PCMTD1: variants seen among roughly 807,000 people sequenced by gnomAD.
The protein encoded by PCMTD1 is protein-L-isoaspartate O-methyltransferase domain-containing protein 1.
A neutral mutation model predicts 37.6 loss-of-function variants in PCMTD1; 12 were observed. The observed-to-expected ratio is 0.32, with a 90% CI of 0.20 to 0.52. PCMTD1 has a LOEUF of 0.52. PCMTD1 is among the 20% of genes least tolerant of loss of function. The pLI is 0.97. For synonymous variants in PCMTD1, 117 were observed against 135.8 expected (o/e 0.86, Z 0.96); for missense variants, 235 against 421.3 (o/e 0.56, Z 3.87).
intron 1 of PCMTD1, among the ~76,000 whole-genome samples, chr8:51,874,746 T>C (rs1014350628): frequency 1.3e-5 from 2 of 152,182 alleles, no homozygotes; most frequent in Non-Finnish European, 2.9e-5. Context: ...TTACCTAGCA[T>C]TTGGATATTT....
intron 2 of PCMTD1, among the ~76,000 whole-genome samples, chr8:51,856,436 G>A (rs1305887366): frequency 1.3e-5 from 2 of 152,176 alleles, no homozygotes. Flanking sequence ...CAGCCACTCT[G>A]GAAAACACTT....
intron 5 of PCMTD1, among the ~76,000 whole-genome samples, 177 bp from the exon 6 acceptor site, chr8:51,820,895 C>T (rs1026592118): frequency 1.2e-4 from 18 of 151,930 alleles, no homozygotes; most frequent in Admixed American, 6.6e-5. Context: ...TGCCAAGGAC[C>T]GATGGATGGC....
chr8:51,850,670 T>C (rs1216473151), intron 2 of PCMTD1, among the ~76,000 whole-genome samples: 1 of 152,192 alleles, frequency 6.6e-6, no homozygotes, highest in African/African-American at 2.4e-5. Context: ...GTATTTTGGC[T>C]AAAACTAAAT....
At chr8:51,879,967 G>C (rs930297750) in intron 1 of PCMTD1, among the ~76,000 whole-genome samples, 1 of 151,772 alleles carries the variant, frequency 6.6e-6, no homozygotes, top group East Asian at 1.9e-4. Flanking sequence ...AGGATTGCTT[G>C]AGGCCAGGAG....
At chr8:51,824,019 A>G (rs1316060158) in intron 5 of PCMTD1, among the ~76,000 whole-genome samples, 1 of 152,244 alleles carries the variant, frequency 6.6e-6, no homozygotes, top group Non-Finnish European at 1.5e-5. Flanking sequence ...AAAAATCTCA[A>G]TAAACTAGGT....
At chr8:51,854,116 T>C in intron 2 of PCMTD1, among the ~76,000 whole-genome samples, 1 of 152,204 alleles carries the variant, frequency 6.6e-6, no homozygotes, top group East Asian at 1.9e-4. Context: ...CCTAAGCCAC[T>C]TCACATCACT....
intron 1 of PCMTD1, among the ~76,000 whole-genome samples, chr8:51,877,396 A>G (rs1207329005): frequency 6.6e-6 from 1 of 152,226 alleles, no homozygotes; most frequent in Non-Finnish European, 1.5e-5. Context: ...GAGAAAGGTA[A>G]AAACGCTTTT....
At chr8:51,878,172 T>C (rs1345811299) in intron 1 of PCMTD1, among the ~76,000 whole-genome samples, 2 of 151,906 alleles carry the variant, frequency 1.3e-5, no homozygotes, top group Non-Finnish European at 2.9e-5. Context: ...ATGGGTCACA[T>C]GCAGCCCAGG....
chr8:51,850,131 GCTT>G (rs1235872435), intron 2 of PCMTD1: 1 of 700,974 alleles, frequency 1.4e-6, no homozygotes, highest in African/African-American at 1.7e-5. Flanking sequence ...AGATGTCTTG[GCTT>G]CCAATCCCAA....
In PCMTD1 at chr8:51,820,320, T is replaced by C; in HGVS notation, c.*31A>G. The stretch of plus-strand genomic sequence containing the variant: ...GCTACATTTTCAAGACTAAAGGAAT[T>C]ATCAGTAGGCATTTTTCTTCTTGAT... On this transcript the variant is annotated 3_prime_UTR_variant, in exon 6 of 6. Coordinates refer to ENST00000522514, the MANE Select transcript of PCMTD1 (RefSeq NM_052937.4). The C allele has an allele frequency of 6.6e-7, 1 of 1,509,456 alleles. No homozygotes were observed. Among genetic ancestry groups the C allele is most frequent in the Non-Finnish European group, 8.8e-7 (1 of 1,131,872 alleles). The allele number at this position is 1,509,456 out of a possible 1,614,324, so 93.5% of individuals were successfully genotyped here.
chr8:51,827,047 T>G, intron 5 of PCMTD1: 1 of 975,208 alleles, frequency 1.0e-6, no homozygotes, highest in Non-Finnish European at 1.2e-6. Context: ...ATATTTTAAT[T>G]TCCTGCAATT....
chr8:51,886,936 C>T (rs746730828), intron 1 of PCMTD1, among the ~76,000 whole-genome samples: 1 of 150,620 alleles, frequency 6.6e-6, no homozygotes, highest in African/African-American at 2.4e-5. Flanking sequence ...TCTGTTCCCT[C>T]GCATCAGTGT....
At chr8:51,859,224 G>A (rs2038436328) in intron 2 of PCMTD1, among the ~76,000 whole-genome samples, 1 of 151,870 alleles carries the variant, frequency 6.6e-6, no homozygotes, top group Admixed American at 6.6e-5. Context: ...AATGTTCAAG[G>A]ACAGCAATTC....
intron 2 of PCMTD1, among the ~76,000 whole-genome samples, chr8:51,855,591 G>GA (rs1490215472): frequency 6.6e-6 from 1 of 151,050 alleles, no homozygotes; most frequent in African/African-American, 2.4e-5. Flanking sequence ...ACAGTATAGA[G>GA]AAAAAACTCA....
At position 51,826,976 on chromosome 8, in the gene PCMTD1, T is replaced by G. The variant is rs527421111; in HGVS notation, c.706+4468A>C. The G allele has an allele frequency of 4.6e-4, 426 of 929,152 alleles. 5 individuals are homozygous for G. In the African/African-American group the frequency reaches 7.3e-3, roughly 16 times the overall value. 57.6% of individuals were successfully genotyped at this position (929,152 alleles called of 1,614,324 possible). ...TATGAGCAACTTGATTACTACAAGA[T>G]ACATTTGGCAAATAATTTATATATA... On this transcript the variant is annotated intron_variant, in intron 5 of 5. Transcript: ENST00000522514.
chr8:51,847,384 T>G (rs1301411534), intron 2 of PCMTD1, among the ~76,000 whole-genome samples: 3 of 152,198 alleles, frequency 2.0e-5, no homozygotes, highest in Non-Finnish European at 4.4e-5. Context: ...CCCAGCACTT[T>G]GGGAGGCCAA....
chr8:51,893,776 G>C lies in PCMTD1; in HGVS notation c.-96+5154C>G, dbSNP rs139236932. The stretch of plus-strand genomic sequence containing the variant: ...CAACAAGAAATTTAGTTCTGTTGTG[G>C]ACACACACAATTAAAAACTCAAACA... On this transcript the variant is annotated intron_variant, in intron 1 of 5. Transcript: ENST00000522514. Among the ~76,000 whole-genome samples the C allele has an allele frequency of 1.3e-3, 200 of 152,250 alleles. 1 individual carries two copies. Among genetic ancestry groups the C allele is most frequent in the African/African-American group, 4.6e-3 (191 of 41,528 alleles).
chr8:51,821,295 C>T (rs1279764776), intron 5 of PCMTD1, among the ~76,000 whole-genome samples: 1 of 151,824 alleles, frequency 6.6e-6, no homozygotes, highest in East Asian at 1.9e-4. Context: ...CACGCCAGCA[C>T]ACCTGGATAA....
intron 1 of PCMTD1, among the ~76,000 whole-genome samples, chr8:51,868,198 A>T (rs1355480601): frequency 6.6e-6 from 1 of 152,152 alleles, no homozygotes; most frequent in African/African-American, 2.4e-5. Flanking sequence ...AGAATGACAC[A>T]GTTTACATAG....
Sources: allele counts gnomAD v4.1 joint callset (sites outside exome capture counted in the v4.1 genomes callset), GRCh38; gene constraint gnomAD v4.1.1; transcripts MANE v1.5; gene names NCBI Gene and HGNC (gene_info 2026-07-23, HGNC 2026-07-21).